The following TMIGD3 variants were observed in gnomAD, a reference collection of about 807,000 sequenced individuals.
TMIGD3 encodes the protein AD026 protein (AD026).
In TMIGD3, 21 loss-of-function variants were observed where a neutral mutation model predicts 28.1. That is an observed-to-expected ratio of 0.75 (90% confidence interval 0.53 to 1.08). The LOEUF is 1.08. Among genes scored for constraint, TMIGD3 ranks in the 50% least tolerant of loss-of-function variants. The pLI is 0.00. For synonymous variants in TMIGD3, 151 were observed against 162.1 expected (o/e 0.93, Z 0.52); for missense variants, 416 against 435.6 (o/e 0.96, Z 0.40).
At chr1:111,526,907 G>A (rs910265859) in intron 1 of TMIGD3, among the ~76,000 whole-genome samples, 2 of 150,896 alleles carry the variant, frequency 1.3e-5, no homozygotes, top group Non-Finnish European at 2.9e-5. Flanking sequence ...CCATAGCTTT[G>A]CCTTTTTCAG....
intron 1 of TMIGD3, chr1:111,500,559 G>A: frequency 6.2e-7 from 1 of 1,613,112 alleles, no homozygotes; most frequent in East Asian, 2.2e-5. Flanking sequence ...TCTTGTATCT[G>A]TGTGAATGAA....
chr1:111,534,856 C>A (rs1199266983), intron 1 of TMIGD3, among the ~76,000 whole-genome samples: 3 of 152,188 alleles, frequency 2.0e-5, no homozygotes, highest in African/African-American at 7.2e-5. Flanking sequence ...ACTCTCCCAT[C>A]ACTTTCTACT....
intron 1 of TMIGD3, chr1:111,542,224 C>A: frequency 3.3e-6 from 2 of 600,866 alleles, no homozygotes; most frequent in South Asian, 2.8e-5. Flanking sequence ...AGACATCCTT[C>A]GCGTACTGAC....
chr1:111,562,877 T>C (rs994772140), intron 1 of TMIGD3, among the ~76,000 whole-genome samples: 1 of 152,224 alleles, frequency 6.6e-6, no homozygotes, highest in African/African-American at 2.4e-5. Flanking sequence ...CCAATACAAG[T>C]AGATGCTTAG....
chr1:111,495,105 T>C (rs1390249877), intron 1 of TMIGD3, among the ~76,000 whole-genome samples: 2 of 152,186 alleles, frequency 1.3e-5, no homozygotes, highest in Non-Finnish European at 2.9e-5. Context: ...CATGATGAAA[T>C]GGCCAAAAGC....
At chr1:111,553,733 G>A (rs558396045) in intron 1 of TMIGD3, among the ~76,000 whole-genome samples, 2 of 152,144 alleles carry the variant, frequency 1.3e-5, no homozygotes, top group East Asian at 3.9e-4. Flanking sequence ...TCTGACATTA[G>A]GCTCAAATTC....
Position 111,488,249 on chromosome 1 carries a change from G to A in TMIGD3, c.805+428C>T, listed in dbSNP as rs192653091. ...AGACTTTTTTTTTTTTTGAGACTGA[G>A]TCTCACTCTATCGCCCAGGCAGGAG... is the stretch of plus-strand genomic sequence containing the variant. On this transcript the variant is annotated intron_variant, in intron 3 of 5. Coordinates refer to ENST00000369716, the MANE Select transcript of TMIGD3 (RefSeq NM_020683.7). 3.3e-3 allele frequency among the ~76,000 whole-genome samples: 498 copies of A among 151,174 alleles called. 4 individuals carry two copies. The highest frequency in any genetic ancestry group is 0.021 in the Middle Eastern group (6 of 290).
chr1:111,520,111 C>T (rs1480576116), intron 1 of TMIGD3, among the ~76,000 whole-genome samples: 1 of 152,164 alleles, frequency 6.6e-6, no homozygotes, highest in Non-Finnish European at 1.5e-5. Flanking sequence ...CTTCAATGCA[C>T]AGTCAAAAAC....
At chr1:111,487,582 G>T (rs1654446759) in intron 3 of TMIGD3, among the ~76,000 whole-genome samples, 1 of 152,004 alleles carries the variant, frequency 6.6e-6, no homozygotes, top group Non-Finnish European at 1.5e-5. Context: ...GTTTTCTGGT[G>T]CAAAAGGAGA....
chr1:111,525,331 A>G (rs1377141552), intron 1 of TMIGD3, among the ~76,000 whole-genome samples: 1 of 152,170 alleles, frequency 6.6e-6, no homozygotes, highest in Non-Finnish European at 1.5e-5. Flanking sequence ...TTTTCGTTTC[A>G]TGTATTTTGA....
chr1:111,484,086 G>T (rs1163756907), intron 5 of TMIGD3, among the ~76,000 whole-genome samples: 1 of 152,178 alleles, frequency 6.6e-6, no homozygotes, highest in Non-Finnish European at 1.5e-5. Context: ...GGCTACAACA[G>T]GCTGTACAAC....
chr1:111,489,788 A>C (rs1016819202), intron 2 of TMIGD3: 2 of 995,914 alleles, frequency 2.0e-6, no homozygotes, highest in Non-Finnish European at 2.4e-6. Flanking sequence ...TTCTGTCTTT[A>C]GGGGATAAGA....
intron 1 of TMIGD3, among the ~76,000 whole-genome samples, chr1:111,502,727 A>G (rs2100983721): frequency 6.6e-6 from 1 of 151,732 alleles, no homozygotes; most frequent in Admixed American, 6.6e-5. Context: ...AGATTTCATC[A>G]TTTTTAGCCA....
intron 1 of TMIGD3, among the ~76,000 whole-genome samples, chr1:111,514,111 C>A (rs908158274): frequency 1.3e-5 from 2 of 152,218 alleles, no homozygotes; most frequent in African/African-American, 4.8e-5. Flanking sequence ...AGGGAGGATG[C>A]ACATACCCTT....
intron 2 of TMIGD3, chr1:111,489,725 G>A (rs2789539): frequency 0.61 from 637,128 of 1,050,112 alleles, 196,672 homozygotes; most frequent in Admixed American, 0.68. Flanking sequence ...GAAAGAAAGT[G>A]ATGTTTGGAG....
At chr1:111,498,921 T>C (rs1162725951) in intron 1 of TMIGD3, among the ~76,000 whole-genome samples, 1 of 148,980 alleles carries the variant, frequency 6.7e-6, no homozygotes, top group African/African-American at 2.5e-5. Context: ...ACCTTGTCTA[T>C]ATAAAAAATA....
At chr1:111,524,557 T>C (rs1020077497) in intron 1 of TMIGD3, among the ~76,000 whole-genome samples, 1 of 152,168 alleles carries the variant, frequency 6.6e-6, no homozygotes, top group Non-Finnish European at 1.5e-5. Flanking sequence ...GTTCTACAAA[T>C]TTTGATGTTA....
At chr1:111,489,047 G>A (rs747507117) in intron 2 of TMIGD3, 23 bp from the exon 3 acceptor site, 48 of 1,497,862 alleles carry the variant, frequency 3.2e-5, no homozygotes, top group Admixed American at 2.9e-4. Flanking sequence ...ACACACACAC[G>A]CACACGTGCA....
chr1:111,525,527 T>C (rs548661936), intron 1 of TMIGD3, among the ~76,000 whole-genome samples: 2 of 152,362 alleles, frequency 1.3e-5, no homozygotes, highest in Admixed American at 6.5e-5. Context: ...TGTATGATTT[T>C]TAATCTTGTT....
Sources: gnomAD v4.1 joint callset for allele counts (sites outside exome capture counted in the v4.1 genomes callset) on GRCh38, gnomAD v4.1.1 for gene constraint, MANE v1.5 for transcripts, NCBI Gene and HGNC (gene_info 2026-07-23, HGNC 2026-07-21) for gene names.